The following IGF1R variants were observed in gnomAD, a reference collection of about 807,000 sequenced individuals.
The protein encoded by IGF1R is insulin-like growth factor 1 receptor.
In IGF1R, 44 loss-of-function variants were observed where a neutral mutation model predicts 144.6. The ratio of observed to expected loss-of-function variants is 0.30; its 90% CI spans 0.24 to 0.39. IGF1R has a LOEUF of 0.39. Among genes scored for constraint, IGF1R ranks in the 10% least tolerant of loss-of-function variants. The probability of loss-of-function intolerance (pLI) is 1.00; values close to 1 mark genes in which losing one functional copy is unlikely to be tolerated. For missense variants in IGF1R, 1,355 were observed against 1,833.7 expected (o/e 0.74, Z 4.77); for synonymous variants, 795 against 722.8 (o/e 1.10, Z -1.60).
At chr15:98,719,251 A>G (rs897698700) in intron 2 of IGF1R, among the ~76,000 whole-genome samples, 5 of 152,202 alleles carry the variant, frequency 3.3e-5, no homozygotes, top group African/African-American at 1.2e-4. Context: ...AGCTGAATGC[A>G]GAAGTGTGTG....
intron 14 of IGF1R, 59 bp downstream of exon 14, chr15:98,929,719 G>A (rs2151701903): frequency 2.8e-6 from 3 of 1,071,904 alleles, no homozygotes. Flanking sequence ...TGATTTGAAT[G>A]TGAGTGAAGG....
chr15:98,883,551 T>C (rs1004098294), intron 2 of IGF1R, among the ~76,000 whole-genome samples: 2 of 152,214 alleles, frequency 1.3e-5, no homozygotes, highest in Non-Finnish European at 2.9e-5. Flanking sequence ...GTCACTCTCT[T>C]CTTCCCTGGG....
Position 98,961,929 on chromosome 15 carries a change from A to G in IGF1R, c.*4487A>G, listed in dbSNP as rs1347605925. 2 of 233,366 alleles carry G rather than the reference A, an allele frequency of 8.6e-6. No individual in the cohort carries two copies. The highest frequency in any genetic ancestry group is 8.5e-6 in the Non-Finnish European group (1 of 118,060). The allele number at this position is 233,366 out of a possible 1,614,324, so 14.5% of individuals were successfully genotyped here. Reference sequence around the variant, plus strand: ...AAGTGGCTTCGTAAAATAGAAGAGCAGTCACTGTGGAACTACCAAATGGCG... The same window carrying G: ...AAGTGGCTTCGTAAAATAGAAGAGCGGTCACTGTGGAACTACCAAATGGCG... On this transcript the variant is annotated 3_prime_UTR_variant, in exon 21 of 21. Transcript: ENST00000650285.
chr15:98,683,802 G>A (rs115362191), intron 1 of IGF1R, among the ~76,000 whole-genome samples: 9 of 152,198 alleles, frequency 5.9e-5, no homozygotes, highest in African/African-American at 9.7e-5. Context: ...GCACAAAGGC[G>A]TGGATATTTG....
intron 2 of IGF1R, among the ~76,000 whole-genome samples, chr15:98,803,415 GGTGAGTCA>G (rs1161628968): frequency 2.0e-5 from 3 of 152,122 alleles, no homozygotes; most frequent in African/African-American, 4.8e-5. Context: ...AGTTGCTCTG[GGTGAGTCA>G]GTGAGTCAGT....
rs1476597509 is a variant in IGF1R, at chr15:98,704,193, A to T, written c.95-3369A>T. Among the ~76,000 whole-genome samples the T allele has an allele frequency of 1.3e-5, 2 of 152,198 alleles. No individual in the cohort carries two copies. Among genetic ancestry groups the T allele is most frequent in the Non-Finnish European group, 2.9e-5 (2 of 68,042 alleles). ...ATACAAACTTTGTTTCATGCACAAG[A>T]TTATTAAAAATATATAAAATGACTT... On this transcript the variant is annotated intron_variant, in intron 1 of 20. Transcript: ENST00000650285. This position sits in a 1 kb window ranked among gnomAD's most constrained non-coding sequence, Gnocchi z 4.9.
At chr15:98,918,260 C>T (rs1296502389) in intron 10 of IGF1R, among the ~76,000 whole-genome samples, 3 of 152,144 alleles carry the variant, frequency 2.0e-5, no homozygotes, top group African/African-American at 4.8e-5. Context: ...CCACAGCACC[C>T]GCTGCCAGCA....
chr15:98,780,023 CG>C (rs756819917), intron 2 of IGF1R, among the ~76,000 whole-genome samples: 4 of 151,906 alleles, frequency 2.6e-5, no homozygotes, highest in Non-Finnish European at 5.9e-5. Context: ...GGAGGTTATC[CG>C]ACATACCTCA....
intron 2 of IGF1R, among the ~76,000 whole-genome samples, chr15:98,780,586 G>T (rs1390991794): frequency 2.0e-5 from 2 of 98,656 alleles, no homozygotes; most frequent in Non-Finnish European, 2.2e-5. Flanking sequence ...GAGAGAGAGA[G>T]TAAATAAAAT....
At chr15:98,927,056 T>C (rs1396581828) in intron 13 of IGF1R, among the ~76,000 whole-genome samples, 1 of 152,186 alleles carries the variant, frequency 6.6e-6, no homozygotes, top group East Asian at 1.9e-4. Flanking sequence ...TTGAGTGAAC[T>C]CAGCTTGTTT....
At chr15:98,842,886 A>C (rs1348626333) in intron 2 of IGF1R, among the ~76,000 whole-genome samples, 1 of 152,210 alleles carries the variant, frequency 6.6e-6, no homozygotes. Flanking sequence ...TGTCTATCTT[A>C]GTCTGGGGGT....
rs956560845 is a variant in IGF1R at position 98,648,987 on chromosome 15, C to T, written c.-595C>T. The T allele has an allele frequency of 4.8e-6, 1 of 209,594 alleles. No individual in the cohort carries two copies. The highest frequency in any genetic ancestry group is 9.6e-6 in the Non-Finnish European group (1 of 104,428). The allele number at this position is 209,594 out of a possible 1,614,324, so 13.0% of individuals were successfully genotyped here. Reference sequence around the variant, plus strand: ...CCTGGATTTGGGAAGGAGCTCGCCGCGGCGGCGGCGGCGCTGAGGGAGGAG... The same window carrying T: ...CCTGGATTTGGGAAGGAGCTCGCCGTGGCGGCGGCGGCGCTGAGGGAGGAG... On this transcript the variant is annotated 5_prime_UTR_variant, in exon 1 of 21. Coordinates refer to ENST00000650285, the MANE Select transcript of IGF1R (RefSeq NM_000875.5).
At chr15:98,730,002 A>T (rs534716807) in intron 2 of IGF1R, among the ~76,000 whole-genome samples, 2 of 152,348 alleles carry the variant, frequency 1.3e-5, no homozygotes, top group East Asian at 3.9e-4. Flanking sequence ...GTCTAAAGGC[A>T]CAGTTAAAAG....
At chr15:98,867,958 T>C (rs923190098) in intron 2 of IGF1R, among the ~76,000 whole-genome samples, 3 of 152,166 alleles carry the variant, frequency 2.0e-5, no homozygotes, top group African/African-American at 7.2e-5. Context: ...GTCAGCACTT[T>C]GGGAGGCCAG....
chr15:98,731,258 A>C (rs188979015), intron 2 of IGF1R, among the ~76,000 whole-genome samples: 5 of 152,210 alleles, frequency 3.3e-5, no homozygotes, highest in Non-Finnish European at 5.9e-5. Context: ...TCCTTTCTTC[A>C]GTGTTATAGT....
intron 2 of IGF1R, among the ~76,000 whole-genome samples, chr15:98,847,770 C>T (rs1358592667): frequency 1.3e-5 from 2 of 152,112 alleles, no homozygotes; most frequent in East Asian, 1.9e-4. Context: ...TAAACATTTT[C>T]ATTGCTATTT....
At chr15:98,905,034 G>T (rs1032546942) in intron 5 of IGF1R, among the ~76,000 whole-genome samples, 2 of 152,230 alleles carry the variant, frequency 1.3e-5, no homozygotes, top group Non-Finnish European at 2.9e-5. Flanking sequence ...AGAGACTCCA[G>T]CCTGGGAGAG....
At chr15:98,756,934 A>T (rs2055170206) in intron 2 of IGF1R, among the ~76,000 whole-genome samples, 1 of 152,162 alleles carries the variant, frequency 6.6e-6, no homozygotes, top group Non-Finnish European at 1.5e-5. Context: ...TATATGATTT[A>T]TGAATGCAGC....
At chr15:98,861,528 A>G (rs2012157815) in intron 2 of IGF1R, among the ~76,000 whole-genome samples, 2 of 152,194 alleles carry the variant, frequency 1.3e-5, no homozygotes, top group South Asian at 4.2e-4. Context: ...CCTCTACTAC[A>G]TACTTCCTAG....
Sources: allele counts gnomAD v4.1 joint callset (sites outside exome capture counted in the v4.1 genomes callset), GRCh38; gene constraint gnomAD v4.1.1; non-coding constraint Gnocchi (gnomAD v3.1); transcripts MANE v1.5; gene names NCBI Gene and HGNC (gene_info 2026-07-23, HGNC 2026-07-21).